CDK19: variants seen among roughly 807,000 people sequenced by gnomAD.
CDK19 encodes the protein cyclin dependent kinase 19.
A neutral mutation model predicts 68.3 loss-of-function variants in CDK19; 20 were observed. The ratio of observed to expected loss-of-function variants is 0.29; its 90% CI spans 0.21 to 0.43. The LOEUF (loss-of-function observed/expected upper bound fraction) is 0.43, where lower values mean the gene tolerates loss of function less well. Ranked by LOEUF, CDK19 falls within the 20% of genes least tolerant of loss-of-function variation. The probability of loss-of-function intolerance (pLI) is 1.00; values close to 1 mark genes in which losing one functional copy is unlikely to be tolerated. For synonymous variants in CDK19, 221 were observed against 222.8 expected, an observed-to-expected ratio of 0.99 and a Z score of 0.07; for missense variants, 339 against 623.5, an observed-to-expected ratio of 0.54 and a Z score of 4.86.
intron 2 of CDK19, among the ~76,000 whole-genome samples, chr6:110,702,813 T>C (rs1484172503): frequency 6.6e-6 from 1 of 152,184 alleles, no homozygotes; most frequent in Non-Finnish European, 1.5e-5. Context: ...AAAAACGTCA[T>C]TATAAGAAGC....
intron 2 of CDK19, among the ~76,000 whole-genome samples, chr6:110,690,071 T>C (rs1772847329): frequency 6.6e-6 from 1 of 151,118 alleles, no homozygotes; most frequent in South Asian, 2.1e-4. Context: ...CAGGTGGCCC[T>C]GGTGCTCATG....
intron 3 of CDK19, among the ~76,000 whole-genome samples, chr6:110,670,107 A>G (rs1472673776): frequency 6.6e-6 from 1 of 152,068 alleles, no homozygotes; most frequent in Non-Finnish European, 1.5e-5. Context: ...CAGTGAGCCA[A>G]GATCGTGCCA....
At chr6:110,730,279 C>T (rs1776653783) in intron 2 of CDK19, among the ~76,000 whole-genome samples, 1 of 152,160 alleles carries the variant, frequency 6.6e-6, no homozygotes, top group East Asian at 1.9e-4. Flanking sequence ...TCCTAATCAA[C>T]CCAAAGACAA....
intron 1 of CDK19, among the ~76,000 whole-genome samples, chr6:110,780,497 TAA>T (rs1780731694): frequency 6.6e-6 from 1 of 152,014 alleles, no homozygotes; most frequent in Admixed American, 6.6e-5. Flanking sequence ...TTTTTTTATT[TAA>T]ATTTATTTTA....
chr6:110,698,367 AAAG>A (rs1773671303), intron 2 of CDK19, among the ~76,000 whole-genome samples: 2 of 152,102 alleles, frequency 1.3e-5, no homozygotes, highest in South Asian at 2.1e-4. Flanking sequence ...ACATTTCTCA[AAAG>A]AAGATATACA....
intron 4 of CDK19, among the ~76,000 whole-genome samples, chr6:110,652,137 G>A (rs1481594808): frequency 6.6e-6 from 1 of 151,696 alleles, no homozygotes; most frequent in Non-Finnish European, 1.5e-5. Flanking sequence ...TCCTGTGAAG[G>A]AACATCAAAG....
At chr6:110,702,371 C>G (rs530910026) in intron 2 of CDK19, among the ~76,000 whole-genome samples, 60 of 152,084 alleles carry the variant, frequency 3.9e-4, no homozygotes, top group Non-Finnish European at 7.4e-4. Flanking sequence ...ACTGCTTGAG[C>G]CTGGGTGGTT....
intron 2 of CDK19, among the ~76,000 whole-genome samples, chr6:110,735,004 A>G (rs1777133380): frequency 6.6e-6 from 1 of 152,202 alleles, no homozygotes; most frequent in South Asian, 2.1e-4. Context: ...TATTCAAATG[A>G]CTATTTTCCA....
intron 3 of CDK19, among the ~76,000 whole-genome samples, chr6:110,669,414 G>A (rs987449450): frequency 3.1e-4 from 47 of 151,972 alleles, no homozygotes; most frequent in African/African-American, 1.1e-3. Context: ...GAGGTCAAAG[G>A]TGCAGTGAAC....
At position 110,815,181 on chromosome 6, in the gene CDK19, G is replaced by C; in HGVS notation, c.-45C>G. The C allele has an allele frequency of 6.5e-7, 1 of 1,541,918 alleles. No homozygotes were observed. Among genetic ancestry groups the C allele is most frequent in the South Asian group, 1.2e-5 (1 of 83,872 alleles). On this transcript the variant is annotated 5_prime_UTR_variant, in exon 1 of 13. Coordinates refer to ENST00000368911, the MANE Select transcript of CDK19 (RefSeq NM_015076.5). ...GGCACGGGACGCGGGGGCCGCCGCC[G>C]CTCAGTCCCTCCTCCTCCTCCCCCC...
chr6:110,635,675 G>A (rs1250844514), intron 5 of CDK19, among the ~76,000 whole-genome samples: 1 of 152,130 alleles, frequency 6.6e-6, no homozygotes, highest in Non-Finnish European at 1.5e-5. Context: ...GAGTAGCTGG[G>A]ATTACAGGCA....
At chr6:110,722,217 C>A (rs1298831448) in intron 2 of CDK19, 1 of 152,116 alleles carries the variant, frequency 6.6e-6, no homozygotes, top group Non-Finnish European at 1.5e-5. Flanking sequence ...ATACCCTACA[C>A]TTGTGGAGTT....
rs1352675681 is a variant in CDK19, at chr6:110,610,063, G to A, written c.*4472C>T. On this transcript the variant is annotated 3_prime_UTR_variant, in exon 13 of 13. Coordinates refer to ENST00000368911, the MANE Select transcript of CDK19 (RefSeq NM_015076.5). Reference sequence around the variant, plus strand: ...TAGTTTTAACAGTCATTTCAAGAAGGAAGTCAGGTCAACTCAAAAGCAGGA... The same window carrying A: ...TAGTTTTAACAGTCATTTCAAGAAGAAAGTCAGGTCAACTCAAAAGCAGGA... The A allele has an allele frequency of 6.6e-6, 1 of 152,178 alleles. No individual in the cohort carries two copies. Among genetic ancestry groups the A allele is most frequent in the Non-Finnish European group, 1.5e-5 (1 of 68,038 alleles). The allele number at this position is 152,178 out of a possible 1,614,324, so 9.4% of individuals were successfully genotyped here. A position where few individuals can be genotyped will look rare whatever the true frequency, so the allele number is the denominator to read the frequency against.
chr6:110,721,649 G>GTTT (rs2114744973), intron 2 of CDK19, among the ~76,000 whole-genome samples: 1 of 152,264 alleles, frequency 6.6e-6, no homozygotes, highest in South Asian at 2.1e-4. Context: ...CATGACTTGT[G>GTTT]TTTCCTTGCA....
At chr6:110,635,890 T>C (rs573188519) in intron 5 of CDK19, among the ~76,000 whole-genome samples, 3 of 152,360 alleles carry the variant, frequency 2.0e-5, no homozygotes, top group South Asian at 2.1e-4. Context: ...GCATTAGGCA[T>C]AGGCATTGGT....
intron 2 of CDK19, among the ~76,000 whole-genome samples, chr6:110,681,618 T>C (rs1215763177): frequency 2.0e-5 from 3 of 152,202 alleles, no homozygotes; most frequent in Non-Finnish European, 4.4e-5. Context: ...ATGGCCATAC[T>C]TGTACTTTCC....
intron 12 of CDK19, among the ~76,000 whole-genome samples, chr6:110,618,450 T>C (rs1019372457): frequency 6.6e-6 from 1 of 152,236 alleles, no homozygotes; most frequent in African/African-American, 2.4e-5. Context: ...CTCTTGCGTA[T>C]ACCCACACTC....
intron 2 of CDK19, among the ~76,000 whole-genome samples, chr6:110,723,470 T>C (rs113710700): frequency 8.5e-5 from 13 of 152,310 alleles, no homozygotes; most frequent in African/African-American, 3.1e-4. Context: ...TTGGAATGAG[T>C]GTTAAACAGC....
intron 5 of CDK19, among the ~76,000 whole-genome samples, chr6:110,635,107 A>T (rs1354453631): frequency 1.3e-5 from 2 of 152,216 alleles, no homozygotes; most frequent in African/African-American, 4.8e-5. Context: ...TAAGGTTAGT[A>T]AAATTCTGGT....
Sources: allele counts gnomAD v4.1 joint callset (sites outside exome capture counted in the v4.1 genomes callset), GRCh38; gene constraint gnomAD v4.1.1; transcripts MANE v1.5; gene names NCBI Gene and HGNC (gene_info 2026-07-23, HGNC 2026-07-21).